AGBL1: variants seen among roughly 807,000 people sequenced by gnomAD.
The protein encoded by AGBL1 is cytosolic carboxypeptidase 4.
Under a neutral mutation model 118.9 loss-of-function variants are expected in AGBL1, and 130 were observed. The ratio of observed to expected loss-of-function variants is 1.09; its 90% CI spans 0.95 to 1.26. The LOEUF is 1.26. Ranked by LOEUF, AGBL1 falls within the 50% of genes most tolerant of loss-of-function variation. AGBL1 has a pLI of 0.00. For missense variants in AGBL1, 1,584 were observed against 1,298.1 expected (o/e 1.22, Z -3.38); for synonymous variants, 555 against 478.9 (o/e 1.16, Z -2.08).
rs181087419 is a variant in AGBL1, at chr15:86,626,489, T to G, written c.2995-47784T>G. ...AGCACATGAGAGGAACAGCACACAC[T>G]GGGGCTTTTTGGAGGCTGCAAGGTG... On this transcript the variant is annotated intron_variant, in intron 21 of 22. Coordinates refer to ENST00000614907, the MANE Select transcript of AGBL1 (RefSeq NM_001386094.1). Among the ~76,000 whole-genome samples, 725 of 152,178 alleles carry G rather than the reference T, an allele frequency of 4.8e-3. 10 individuals carry two copies. Among genetic ancestry groups the G allele is most frequent in the African/African-American group, 0.017 (689 of 41,538 alleles).
chr15:86,709,754 C>T (rs2086520636), intron 22 of AGBL1, among the ~76,000 whole-genome samples: 1 of 152,094 alleles, frequency 6.6e-6, no homozygotes, highest in Non-Finnish European at 1.5e-5. Context: ...TTAAATCTTA[C>T]CTCCATCTAC....
intron 17 of AGBL1, among the ~76,000 whole-genome samples, chr15:86,304,242 C>A (rs915887443): frequency 6.6e-6 from 1 of 152,056 alleles, no homozygotes; most frequent in Non-Finnish European, 1.5e-5. Flanking sequence ...TCCCTACTAA[C>A]CTTCTTTCTA....
At chr15:86,849,239 A>G (rs1212706979) in intron 22 of AGBL1, among the ~76,000 whole-genome samples, 2 of 152,336 alleles carry the variant, frequency 1.3e-5, no homozygotes, top group East Asian at 3.9e-4. Context: ...GTTTCAGTTT[A>G]TGCAGCTTTC....
rs1596564198 is a variant in AGBL1, at chr15:86,863,534, TG to T, written c.3159-43551del. Among the ~76,000 whole-genome samples the T allele has an allele frequency of 2.7e-5, 4 of 149,810 alleles. No individual in the cohort carries two copies. In the East Asian group the frequency reaches 5.9e-4, roughly 22 times the overall value. ...GCCTGTTACTGGGCTCAGTTTTCTT[TG>T]GAAAAAAAAAAAAAAGCCCTCATTT... On this transcript the variant is annotated intron_variant, in intron 22 of 22. Transcript: ENST00000614907.
rs562281795 is a variant in AGBL1, at chr15:86,565,579, A to G, written c.2994+11042A>G. ...TCCCAGTTAGGCTACTCAGGGGTCA[A>G]GGACCCACTTGAGGAGGAAGTCTGT... On this transcript the variant is annotated intron_variant, in intron 21 of 22. Coordinates refer to ENST00000614907, the MANE Select transcript of AGBL1 (RefSeq NM_001386094.1). Among the ~76,000 whole-genome samples, 16 of 152,324 alleles carry G rather than the reference A, an allele frequency of 1.1e-4. No individual in the cohort carries two copies. In the East Asian group the frequency reaches 3.1e-3, roughly 29 times the overall value.
intron 1 of AGBL1, chr15:86,080,324 G>A (rs909361885): frequency 7.8e-6 from 2 of 254,902 alleles, no homozygotes; most frequent in Non-Finnish European, 7.4e-6. Context: ...AGCCTGTTTG[G>A]CAAATGAAGG....
At chr15:86,257,654 G>A (rs1399159454) in intron 8 of AGBL1, among the ~76,000 whole-genome samples, 1 of 152,188 alleles carries the variant, frequency 6.6e-6, no homozygotes, top group Non-Finnish European at 1.5e-5. Flanking sequence ...GGCTACACTA[G>A]TTGCATAAAT....
intron 21 of AGBL1, among the ~76,000 whole-genome samples, chr15:86,624,256 A>G (rs183310615): frequency 2.5e-3 from 388 of 152,348 alleles, no homozygotes; most frequent in Non-Finnish European, 4.1e-3. Context: ...CACAATCAAG[A>G]GCAAGTGAAT....
chr15:86,412,173 T>C (rs550204719), intron 18 of AGBL1, among the ~76,000 whole-genome samples: 12 of 152,354 alleles, frequency 7.9e-5, no homozygotes, highest in African/African-American at 2.9e-4. Context: ...TTCTCTTAAC[T>C]AGTCTATACA....
intron 21 of AGBL1, among the ~76,000 whole-genome samples, chr15:86,640,246 A>T (rs2085168725): frequency 6.6e-6 from 1 of 152,196 alleles, no homozygotes; most frequent in Non-Finnish European, 1.5e-5. Context: ...TTTATGTGTC[A>T]TTCCTATGTT....
intron 21 of AGBL1, among the ~76,000 whole-genome samples, chr15:86,664,856 A>G (rs1322642024): frequency 1.8e-5 from 1 of 56,046 alleles, no homozygotes; most frequent in Non-Finnish European, 3.7e-5. Flanking sequence ...ATTACATAAA[A>G]TAATATCTTA....
At chr15:86,171,891 C>A (rs765415447) in intron 5 of AGBL1, among the ~76,000 whole-genome samples, 74 of 152,314 alleles carry the variant, frequency 4.9e-4, no homozygotes, top group Non-Finnish European at 9.1e-4. Context: ...GCATTCACAA[C>A]AACCTAGATG....
At chr15:86,776,147 G>T (rs1293953767) in intron 22 of AGBL1, among the ~76,000 whole-genome samples, 1 of 152,110 alleles carries the variant, frequency 6.6e-6, no homozygotes, top group Non-Finnish European at 1.5e-5. Context: ...TGATAAAAGT[G>T]AACTCAGTTT....
chr15:86,348,918 C>A (rs1289329837), intron 17 of AGBL1, among the ~76,000 whole-genome samples: 1 of 151,940 alleles, frequency 6.6e-6, no homozygotes, highest in African/African-American at 2.4e-5. Flanking sequence ...AGGAAGAGGT[C>A]TCTGTAGATG....
intron 24 of AGBL1, chr15:87,028,782 G>T (rs367925619): frequency 3.2e-6 from 5 of 1,582,310 alleles, no homozygotes; most frequent in Admixed American, 1.7e-5. Flanking sequence ...GAAGTTACAC[G>T]GCTTCAAGCA....
chr15:86,860,533 TCA>T (rs1188529129), intron 22 of AGBL1, among the ~76,000 whole-genome samples: 1 of 152,134 alleles, frequency 6.6e-6, no homozygotes. Flanking sequence ...CAGAGGCTGT[TCA>T]TTAGAGCCTG....
intron 22 of AGBL1, among the ~76,000 whole-genome samples, chr15:86,825,934 T>TAGATAGAC (rs1555454352): frequency 1.0e-4 from 15 of 144,584 alleles, no homozygotes; most frequent in African/African-American, 3.3e-4. Flanking sequence ...GATAGATAGA[T>TAGATAGAC]AGACAGATGA....
intron 21 of AGBL1, among the ~76,000 whole-genome samples, chr15:86,564,581 A>T (rs184325042): frequency 1.5e-4 from 23 of 152,078 alleles, no homozygotes; most frequent in Admixed American, 1.4e-3. Flanking sequence ...CTTCATTTCA[A>T]CTTTGGTGAA....
chr15:86,700,534 T>G (rs2086340202), intron 22 of AGBL1, among the ~76,000 whole-genome samples: 1 of 151,714 alleles, frequency 6.6e-6, no homozygotes, highest in South Asian at 2.1e-4. Context: ...AAGTGGTCTT[T>G]CTCTTGACAA....
Sources: gnomAD v4.1 joint callset for allele counts (sites outside exome capture counted in the v4.1 genomes callset) on GRCh38, gnomAD v4.1.1 for gene constraint, MANE v1.5 for transcripts, NCBI Gene and HGNC (gene_info 2026-07-23, HGNC 2026-07-21) for gene names.